The following C12orf42 variants were observed in gnomAD, a reference collection of about 807,000 sequenced individuals.
C12orf42 encodes the protein chromosome 12 open reading frame 42.
C12orf42 carries 25 observed loss-of-function variants against 21.6 expected under a neutral mutation model. That is an observed-to-expected ratio of 1.16 (90% confidence interval 0.84 to 1.62). The LOEUF (loss-of-function observed/expected upper bound fraction) is 1.62. Ranked by LOEUF, C12orf42 falls within the 40% of genes most tolerant of loss-of-function variation. The pLI is 0.00. For synonymous variants in C12orf42, 174 were observed against 175.0 expected (o/e 0.99, Z 0.05); for missense variants, 483 against 459.3 (o/e 1.05, Z -0.47).
At chr12:103,530,615 C>T in the C12orf42 span, among the ~76,000 whole-genome samples, 1 of 147,588 alleles carries the variant, frequency 6.8e-6, no homozygotes, top group African/African-American at 2.4e-5. Context: ...GCCTGTCTCC[C>T]GGCAAGTGTT....
intron 10 of C12orf42, among the ~76,000 whole-genome samples, chr12:103,241,965 C>A (rs939410753): frequency 6.6e-6 from 1 of 152,152 alleles, no homozygotes; most frequent in Non-Finnish European, 1.5e-5. Flanking sequence ...AGTGCCTATA[C>A]ATTTATTTAA....
chr12:103,100,696 TAA>T, the C12orf42 span, among the ~76,000 whole-genome samples: 2 of 152,300 alleles, frequency 1.3e-5, no homozygotes, highest in South Asian at 2.1e-4. Context: ...TGTGGGCAGA[TAA>T]AGACTCAGAG....
At chr12:103,391,157 G>A (rs541130345) in intron 3 of C12orf42, among the ~76,000 whole-genome samples, 8 of 145,640 alleles carry the variant, frequency 5.5e-5, no homozygotes, top group African/African-American at 8.0e-5. Context: ...AATCATATTC[G>A]GTTTTATATA....
At chr12:103,278,517 G>A (rs1391813937) in intron 4 of C12orf42, among the ~76,000 whole-genome samples, 1 of 152,218 alleles carries the variant, frequency 6.6e-6, no homozygotes, top group Non-Finnish European at 1.5e-5. Flanking sequence ...GAGCTGTTGG[G>A]ATAAAATGGG....
chr12:103,512,831 G>A, the C12orf42 span, among the ~76,000 whole-genome samples: 5 of 151,846 alleles, frequency 3.3e-5, no homozygotes, highest in African/African-American at 7.3e-5. Flanking sequence ...GTGAAACCCC[G>A]TCTCTACTAA....
At chr12:103,438,512 T>C (rs1344663356) in intron 2 of C12orf42, among the ~76,000 whole-genome samples, 2 of 151,996 alleles carry the variant, frequency 1.3e-5, no homozygotes, top group Non-Finnish European at 2.9e-5. Context: ...AAAACCTCAT[T>C]GTCTCAGCCC....
the C12orf42 span, among the ~76,000 whole-genome samples, chr12:103,535,104 G>A: frequency 6.6e-6 from 1 of 152,130 alleles, no homozygotes; most frequent in Non-Finnish European, 1.5e-5. Flanking sequence ...AGAGCCTTGT[G>A]TCCTCTGCCA....
intron 2 of C12orf42, among the ~76,000 whole-genome samples, chr12:103,414,256 T>A (rs2049105746): frequency 6.6e-6 from 1 of 152,212 alleles, no homozygotes; most frequent in African/African-American, 2.4e-5. Context: ...CATCTTTTCA[T>A]ATGTTTGTTG....
At chr12:103,275,744 T>C (rs2035731396) in intron 5 of C12orf42, among the ~76,000 whole-genome samples, 1 of 151,712 alleles carries the variant, frequency 6.6e-6, no homozygotes, top group African/African-American at 2.4e-5. Context: ...AGTAGGATTT[T>C]TTTTTTTTTT....
intron 4 of C12orf42, among the ~76,000 whole-genome samples, chr12:103,348,422 G>A (rs1477549071): frequency 6.6e-6 from 1 of 152,150 alleles, no homozygotes; most frequent in East Asian, 1.9e-4. Context: ...ACCAACTAAA[G>A]AAAGATTGAA....
intron 2 of C12orf42, among the ~76,000 whole-genome samples, chr12:103,451,829 C>A (rs12816735): frequency 0.14 from 21,010 of 151,900 alleles, 1,512 homozygotes; most frequent in South Asian, 0.2. Flanking sequence ...GGTTTTGCAG[C>A]CAGTTTGCTT....
intron 2 of C12orf42, among the ~76,000 whole-genome samples, chr12:103,474,905 A>G (rs1953925223): frequency 6.6e-6 from 1 of 152,234 alleles, no homozygotes; most frequent in Non-Finnish European, 1.5e-5. Context: ...GGGAATTAGC[A>G]GTAAATAGAC....
the C12orf42 span, among the ~76,000 whole-genome samples, chr12:103,218,290 A>T: frequency 1.3e-5 from 2 of 152,080 alleles, no homozygotes; most frequent in Non-Finnish European, 2.9e-5. Flanking sequence ...AAAAAAAAAA[A>T]AAAAAGTCTT....
the C12orf42 span, among the ~76,000 whole-genome samples, chr12:103,512,336 G>A: frequency 2.0e-5 from 3 of 152,146 alleles, no homozygotes; most frequent in Non-Finnish European, 4.4e-5. Context: ...TTGAAATAAA[G>A]GCAGATTGGT....
the C12orf42 span, among the ~76,000 whole-genome samples, chr12:103,114,130 TCC>T: frequency 2.6e-5 from 4 of 152,112 alleles, no homozygotes; most frequent in African/African-American, 4.8e-5. Flanking sequence ...GTTCTTTCCC[TCC>T]CAGTAGAAAA....
At chr12:103,305,530 C>T (rs572686416) in intron 5 of C12orf42, among the ~76,000 whole-genome samples, 86 of 152,264 alleles carry the variant, frequency 5.6e-4, no homozygotes, top group African/African-American at 1.8e-3. Flanking sequence ...CCCTTCTGGG[C>T]CATGTCCTTA....
chr12:103,058,202 G>T, the C12orf42 span, among the ~76,000 whole-genome samples: 1 of 151,962 alleles, frequency 6.6e-6, no homozygotes, highest in East Asian at 1.9e-4. Context: ...TGATCCACCC[G>T]CCTTGGCCTC....
chr12:103,337,737 G>A (rs1474129206), intron 4 of C12orf42, among the ~76,000 whole-genome samples: 3 of 152,090 alleles, frequency 2.0e-5, no homozygotes, highest in East Asian at 1.9e-4. Context: ...TGGTAGCCAC[G>A]CAAACCTTCT....
At chr12:103,227,385 G>A in the C12orf42 span, among the ~76,000 whole-genome samples, 4 of 151,068 alleles carry the variant, frequency 2.6e-5, no homozygotes, top group South Asian at 6.4e-4. Context: ...GGATTGGGGT[G>A]CAGAGATAAG....
Sources: gnomAD v4.1 joint callset for allele counts (sites outside exome capture counted in the v4.1 genomes callset) on GRCh38, gnomAD v4.1.1 for gene constraint, MANE v1.5 for transcripts, NCBI Gene and HGNC (gene_info 2026-07-23, HGNC 2026-07-21) for gene names.